The following PCDHA6 variants were observed in gnomAD, a reference collection of about 807,000 sequenced individuals.
PCDHA6 encodes protocadherin alpha-6.
Under a neutral mutation model 60.3 loss-of-function variants are expected in PCDHA6, and 55 were observed. That is an observed-to-expected ratio of 0.91 (90% confidence interval 0.73 to 1.14). The LOEUF is 1.14. Among genes scored for constraint, PCDHA6 ranks in the 50% most tolerant of loss-of-function variants. The pLI is 0.00. For missense variants in PCDHA6, 1,327 were observed against 1,256.5 expected, an observed-to-expected ratio of 1.06 and a Z score of -0.85; for synonymous variants, 652 against 557.9, an observed-to-expected ratio of 1.17 and a Z score of -2.38.
intron 1 of PCDHA6, chr5:140,834,564 C>A: frequency 6.2e-7 from 1 of 1,614,090 alleles, no homozygotes; most frequent in Non-Finnish European, 8.5e-7. Context: ...GGAGCTGGTG[C>A]CGCGCCTGTT....
Position 140,873,721 on chromosome 5 carries a change from C to T in PCDHA6, c.2394+43236C>T, listed in dbSNP as rs556752313. On this transcript the variant is annotated intron_variant, in intron 1 of 3. Coordinates refer to ENST00000529310, the MANE Select transcript of PCDHA6 (RefSeq NM_018909.4). ...TATCACCCAGGCTGGTGTGCAGTGG[C>T]GCAATCTCAGCTCACTGCAATCTCC... Among the ~76,000 whole-genome samples, 8 of 152,254 alleles carry T rather than the reference C, an allele frequency of 5.3e-5. No individual in the cohort carries two copies. In the South Asian group the frequency reaches 1.0e-3, roughly 20 times the overall value.
Position 140,830,414 on chromosome 5 carries a change from A to G in PCDHA6, c.2323A>G (p.Ser775Gly). The G allele has an allele frequency of 6.2e-7, 1 of 1,614,162 alleles. No individual in the cohort carries two copies. The highest frequency in any genetic ancestry group is 8.5e-7 in the Non-Finnish European group (1 of 1,179,984). The change falls in exon 1 of 4, where the codon AGC becomes GGC. Residue 775 changes from serine to glycine, a missense_variant. Physicochemically the swap from Ser to Gly is moderately conservative, Grantham distance 56. Transcript: ENST00000529310. ...PKMDLMAFSPSLSPCPIMMGK... is the reference protein window; with the variant it reads ...PKMDLMAFSPGLSPCPIMMGK... ...GATGGATCTCATGGCCTTTAGCCCC[A>G]GCCTTTCACCTTGTCCTATTATGAT...
At chr5:140,962,350 C>A (rs78940637) in intron 1 of PCDHA6, among the ~76,000 whole-genome samples, 3,557 of 152,264 alleles carry the variant, frequency 0.023, 46 homozygotes, top group Middle Eastern at 0.034. Context: ...TAAAACTCCC[C>A]CCAATACTGG....
intron 1 of PCDHA6, chr5:140,883,754 G>C: frequency 3.1e-6 from 5 of 1,613,118 alleles, no homozygotes; most frequent in Non-Finnish European, 4.2e-6. Flanking sequence ...CTCGCTGGTG[G>C]AGCGGCGGGT....
intron 1 of PCDHA6, chr5:140,968,681 A>G: frequency 1.9e-6 from 3 of 1,614,158 alleles, no homozygotes; most frequent in Non-Finnish European, 2.5e-6. Context: ...AGAGCTGCAC[A>G]CAGGAGAAAT....
chr5:140,894,574 T>C (rs997238240), intron 1 of PCDHA6, among the ~76,000 whole-genome samples: 2 of 152,002 alleles, frequency 1.3e-5, no homozygotes, highest in African/African-American at 2.4e-5. Context: ...TTTTCCTTTT[T>C]TTTAATATTT....
chr5:140,870,707 G>A, intron 1 of PCDHA6: 1 of 1,613,076 alleles, frequency 6.2e-7, no homozygotes, highest in Non-Finnish European at 8.5e-7. Context: ...TTCCAGGTGA[G>A]CGCGCGCGAT....
intron 3 of PCDHA6, among the ~76,000 whole-genome samples, chr5:141,007,174 G>A (rs926344346): frequency 6.6e-6 from 1 of 152,118 alleles, no homozygotes; most frequent in African/African-American, 2.4e-5. Context: ...AGAGAGAAAG[G>A]TCAGGAGAAT....
intron 1 of PCDHA6, among the ~76,000 whole-genome samples, chr5:140,831,951 A>C (rs1771772559): frequency 6.6e-6 from 1 of 152,140 alleles, no homozygotes; most frequent in Admixed American, 6.6e-5. Context: ...GAAAAGAAAA[A>C]CTTTATGTCA....
chr5:140,932,991 C>T (rs2088784414), intron 1 of PCDHA6, among the ~76,000 whole-genome samples: 1 of 151,940 alleles, frequency 6.6e-6, no homozygotes, highest in African/African-American at 2.4e-5. Context: ...AAATGCATGT[C>T]ATATGAATAT....
chr5:141,010,612 A>C lies in PCDHA6; in HGVS notation c.*675A>C. Reference sequence around the variant, plus strand: ...GTTGGCTGTGACGTCATTATACCTAAAATCTGCATCATACCTGCAAGCCAA... The same window carrying C: ...GTTGGCTGTGACGTCATTATACCTACAATCTGCATCATACCTGCAAGCCAA... On this transcript the variant is annotated 3_prime_UTR_variant, in exon 4 of 4. Transcript: ENST00000529310. 1 of 196,976 alleles carries C rather than the reference A, an allele frequency of 5.1e-6. No individual in the cohort carries two copies. The highest frequency in any genetic ancestry group is 1.0e-5 in the Non-Finnish European group (1 of 95,484). 12.2% of individuals were successfully genotyped at this position (196,976 alleles called of 1,614,324 possible). A position where few individuals can be genotyped will look rare whatever the true frequency, so the allele number is the denominator to read the frequency against.
chr5:140,911,778 A>G (rs2075636196), intron 1 of PCDHA6, among the ~76,000 whole-genome samples: 1 of 152,228 alleles, frequency 6.6e-6, no homozygotes, highest in Admixed American at 6.5e-5. Flanking sequence ...TACAGTCCTT[A>G]GCATTTTTGG....
At chr5:140,907,746 T>G (rs1240884837) in intron 1 of PCDHA6, among the ~76,000 whole-genome samples, 3 of 152,302 alleles carry the variant, frequency 2.0e-5, no homozygotes, top group African/African-American at 7.2e-5. Context: ...ATGGCCACTT[T>G]GTTCATGGGC....
intron 1 of PCDHA6, chr5:140,835,210 ATAT>A: frequency 6.4e-7 from 1 of 1,571,342 alleles, no homozygotes; most frequent in Non-Finnish European, 8.6e-7. Flanking sequence ...TTGAATGGGG[ATAT>A]TATTTACTCC....
chr5:140,941,202 C>CTTT (rs1554213921), intron 1 of PCDHA6, among the ~76,000 whole-genome samples: 9,869 of 122,696 alleles, frequency 0.08, 560 homozygotes, highest in East Asian at 0.13. Flanking sequence ...TTTCTTTCTT[C>CTTT]CTTTCTTTCT....
At chr5:141,006,403 C>T (rs2098271999) in intron 3 of PCDHA6, among the ~76,000 whole-genome samples, 1 of 151,934 alleles carries the variant, frequency 6.6e-6, no homozygotes, top group Non-Finnish European at 1.5e-5. Context: ...TTAGTAGAGA[C>T]GCGGTTTCAC....
chr5:140,866,320 C>T (rs1351694984), intron 1 of PCDHA6: 2 of 152,154 alleles, frequency 1.3e-5, no homozygotes, highest in African/African-American at 2.4e-5. Context: ...ATTTCAGGGA[C>T]CCTGAACTTG....
intron 1 of PCDHA6, among the ~76,000 whole-genome samples, chr5:140,961,103 A>G (rs531762252): frequency 6.6e-6 from 1 of 152,254 alleles, no homozygotes; most frequent in South Asian, 2.1e-4. Context: ...TTGGTCACCC[A>G]ACCCCCTTGC....
At chr5:140,942,618 G>A (rs2093340526) in intron 1 of PCDHA6, among the ~76,000 whole-genome samples, 1 of 97,740 alleles carries the variant, frequency 1.0e-5, no homozygotes. Context: ...TTTGCCAATT[G>A]TAAAAAAAAA....
Sources: allele counts gnomAD v4.1 joint callset (sites outside exome capture counted in the v4.1 genomes callset), GRCh38; gene constraint gnomAD v4.1.1; transcripts MANE v1.5; gene names NCBI Gene and HGNC (gene_info 2026-07-23, HGNC 2026-07-21).